Variants in EMSY observed in about 807,000 individuals in gnomAD.
EMSY encodes BRCA2-interacting transcriptional repressor EMSY.
EMSY carries 26 observed loss-of-function variants against 134.6 expected under a neutral mutation model. That is an observed-to-expected ratio of 0.19 (90% CI 0.14 to 0.27). The LOEUF (loss-of-function observed/expected upper bound fraction) is 0.27. Ranked by LOEUF, EMSY falls within the 10% of genes least tolerant of loss-of-function variation. The probability of loss-of-function intolerance (pLI) is 1.00; values close to 1 mark genes in which losing one functional copy is unlikely to be tolerated. For missense variants in EMSY, 1,305 were observed against 1,611.4 expected (o/e 0.81, Z 3.26); for synonymous variants, 579 against 577.8 (o/e 1.00, Z -0.03).
At chr11:76,496,434 G>C (rs2135808769) in exon 9 of EMSY, 3 of 1,614,084 alleles carry the variant, frequency 1.9e-6, no homozygotes, top group African/African-American at 1.3e-5. Context: ...TTGCCACCTG[G>C]TATTAAACCT....
chr11:76,500,050 G>A (rs7125552), intron 9 of EMSY, among the ~76,000 whole-genome samples: 39,998 of 148,108 alleles, frequency 0.27, 5,710 homozygotes, highest in Non-Finnish European at 0.32. Flanking sequence ...GCACTCCAGC[G>A]TGGGCTACAG....
chr11:76,473,292 C>T (rs1265891326), intron 8 of EMSY, among the ~76,000 whole-genome samples: 3 of 151,710 alleles, frequency 2.0e-5, no homozygotes, highest in Admixed American at 1.3e-4. Context: ...CTTCAGTCTC[C>T]TACATTTTTC....
chr11:76,550,074 G>T, exon 21 of EMSY: 1 of 1,613,922 alleles, frequency 6.2e-7, no homozygotes. Context: ...CAGCAATGGA[G>T]CAGGACATAG....
intron 7 of EMSY, among the ~76,000 whole-genome samples, chr11:76,471,564 T>G (rs948258152): frequency 9.9e-5 from 15 of 152,178 alleles, no homozygotes; most frequent in African/African-American, 3.6e-4. Context: ...TCTCAGACTT[T>G]CCTTTTTTTT....
chr11:76,548,937 A>G (rs2136904390), intron 20 of EMSY, among the ~76,000 whole-genome samples: 1 of 152,336 alleles, frequency 6.6e-6, no homozygotes, highest in Middle Eastern at 3.4e-3. Context: ...GGCCTTGTTC[A>G]AAGCTCTGGG....
intron 2 of EMSY, among the ~76,000 whole-genome samples, chr11:76,448,583 G>C (rs990421167): frequency 2.0e-5 from 3 of 151,840 alleles, no homozygotes; most frequent in Non-Finnish European, 4.4e-5. Flanking sequence ...AATTTAATCA[G>C]AGCTGTGTGG....
chr11:76,488,129 G>A (rs1949266280), intron 8 of EMSY, among the ~76,000 whole-genome samples: 1 of 152,184 alleles, frequency 6.6e-6, no homozygotes, highest in African/African-American at 2.4e-5. Context: ...CTTTGTTTCA[G>A]TGATATTCAC....
intron 8 of EMSY, among the ~76,000 whole-genome samples, chr11:76,485,284 G>GA (rs1949134545): frequency 1.3e-5 from 2 of 152,210 alleles, no homozygotes; most frequent in East Asian, 1.9e-4. Context: ...GAACATCAAT[G>GA]AAAAAATCCT....
At chr11:76,545,775 C>T in intron 19 of EMSY, 22 bp from the exon 21 acceptor site, 2 of 1,581,752 alleles carry the variant, frequency 1.3e-6, no homozygotes, top group Non-Finnish European at 1.7e-6. Context: ...CTATAACACA[C>T]ACAACCCCAA....
At chr11:76,489,454 T>TAATCC (rs1949327070) in intron 8 of EMSY, among the ~76,000 whole-genome samples, 1 of 152,114 alleles carries the variant, frequency 6.6e-6, no homozygotes, top group South Asian at 2.1e-4. Context: ...AGGATTATTG[T>TAATCC]GTCTTCTTGA....
chr11:76,516,382 T>C (rs192435617), intron 11 of EMSY, 70 bp downstream of exon 12: 121 of 1,173,120 alleles, frequency 1.0e-4, no homozygotes, highest in Non-Finnish European at 9.4e-5. Context: ...ACTTACTTCA[T>C]TGAAGGATTA....
At chr11:76,528,588 T>A in intron 14 of EMSY, 122 bp downstream of exon 15, 3 of 514,788 alleles carry the variant, frequency 5.8e-6, no homozygotes, top group Non-Finnish European at 3.2e-6. Flanking sequence ...TCTTTTCCTT[T>A]TTTTTTTTTT....
exon 19 of EMSY, chr11:76,544,368 G>T (rs1441613141): frequency 6.2e-7 from 1 of 1,613,972 alleles, no homozygotes. Context: ...CTGTTTTACC[G>T]ATCTGCCCTG....
chr11:76,464,652 C>G (rs550498367), intron 7 of EMSY, among the ~76,000 whole-genome samples: 1 of 152,180 alleles, frequency 6.6e-6, no homozygotes, highest in Non-Finnish European at 1.5e-5. Flanking sequence ...TAATGGCTCT[C>G]TAGGCTTGTT....
chr11:76,514,867 C>T (rs1407405745), intron 10 of EMSY, among the ~76,000 whole-genome samples: 1 of 152,052 alleles, frequency 6.6e-6, no homozygotes, highest in Non-Finnish European at 1.5e-5. Context: ...CTAAACTTTT[C>T]TAAATAGATA....
intron 14 of EMSY, among the ~76,000 whole-genome samples, chr11:76,533,991 A>G (rs1282330156): frequency 1.3e-5 from 2 of 152,170 alleles, no homozygotes; most frequent in Non-Finnish European, 2.9e-5. Flanking sequence ...TGCTACAGTG[A>G]TACTTATGAT....
intron 7 of EMSY, among the ~76,000 whole-genome samples, chr11:76,467,548 T>TAA (rs1948401665): frequency 6.6e-6 from 1 of 152,228 alleles, no homozygotes; most frequent in Non-Finnish European, 1.5e-5. Context: ...TATTCTTCAA[T>TAA]GTATTCCCTA....
intron 18 of EMSY, 78 bp from the exon 20 acceptor site, chr11:76,544,181 C>G: frequency 7.2e-7 from 1 of 1,396,540 alleles, no homozygotes. Context: ...TCTCGTAAGT[C>G]TTTTTCAGTT....
chr11:76,522,380 T>TCC, intron 11 of EMSY, among the ~76,000 whole-genome samples: 1 of 128,998 alleles, frequency 7.8e-6, no homozygotes, highest in Non-Finnish European at 1.7e-5. Flanking sequence ...TTTTTTTTTT[T>TCC]TTCTTGAGAT....
Sources: allele counts gnomAD v4.1 joint callset (sites outside exome capture counted in the v4.1 genomes callset), GRCh38; gene constraint gnomAD v4.1.1; transcripts MANE v1.5; gene names NCBI Gene and HGNC (gene_info 2026-07-23, HGNC 2026-07-21).